FSTL5: variants seen among roughly 807,000 people sequenced by gnomAD.
The protein encoded by FSTL5 is follistatin-related protein 5.
In FSTL5, 62 loss-of-function variants were observed where a neutral mutation model predicts 89.1. That is an observed-to-expected ratio of 0.70 (90% CI 0.57 to 0.86). FSTL5 has a LOEUF of 0.86. Ranked by LOEUF, FSTL5 falls within the 40% of genes least tolerant of loss-of-function variation. The pLI is 0.00. For missense variants in FSTL5, 1,057 were observed against 1,001.6 expected (o/e 1.06, Z -0.75); for synonymous variants, 383 against 346.2 (o/e 1.11, Z -1.18).
chr4:162,052,315 CT>C (rs1457511762), intron 2 of FSTL5, among the ~76,000 whole-genome samples: 2 of 151,356 alleles, frequency 1.3e-5, no homozygotes, highest in Non-Finnish European at 3.0e-5. Flanking sequence ...AAAAAAAAGC[CT>C]TAAGTGGCTA....
At chr4:161,662,322 G>A (rs1371407870) in intron 6 of FSTL5, among the ~76,000 whole-genome samples, 4 of 152,130 alleles carry the variant, frequency 2.6e-5, no homozygotes, top group Non-Finnish European at 4.4e-5. Context: ...ACAGCATGAT[G>A]AGAAGGAGCA....
chr4:161,950,738 T>G (rs1734870024), intron 3 of FSTL5, among the ~76,000 whole-genome samples: 1 of 152,086 alleles, frequency 6.6e-6, no homozygotes, highest in Non-Finnish European at 1.5e-5. Context: ...TCAAGGAAGC[T>G]CTCTTTATCC....
chr4:161,417,440 G>A (rs1731828670), intron 15 of FSTL5, among the ~76,000 whole-genome samples: 2 of 152,152 alleles, frequency 1.3e-5, no homozygotes, highest in South Asian at 4.1e-4. Context: ...AATTTATAGA[G>A]TTGCTATTTT....
chr4:161,655,038 T>C (rs1237547395), intron 7 of FSTL5, among the ~76,000 whole-genome samples: 4 of 152,154 alleles, frequency 2.6e-5, no homozygotes, highest in African/African-American at 9.7e-5. Context: ...ACATGTTCTT[T>C]CATGCTAGGA....
At chr4:161,941,556 A>G (rs1350150175) in intron 3 of FSTL5, among the ~76,000 whole-genome samples, 1 of 151,908 alleles carries the variant, frequency 6.6e-6, no homozygotes, top group African/African-American at 2.4e-5. Context: ...GACAAATAAG[A>G]ACATTATATA....
intron 1 of FSTL5, among the ~76,000 whole-genome samples, chr4:162,154,146 C>T (rs12511655): frequency 0.23 from 35,340 of 151,752 alleles, 4,311 homozygotes; most frequent in Non-Finnish European, 0.26. Context: ...TAAAGTATTG[C>T]TTATAAAAGA....
At chr4:161,893,657 T>C (rs989271632) in intron 4 of FSTL5, among the ~76,000 whole-genome samples, 13 of 152,210 alleles carry the variant, frequency 8.5e-5, no homozygotes, top group African/African-American at 2.7e-4. Context: ...TTTTTGAACA[T>C]TGGATATTTA....
chr4:161,450,316 G>A (rs749011621), intron 15 of FSTL5, among the ~76,000 whole-genome samples: 1 of 152,146 alleles, frequency 6.6e-6, no homozygotes, highest in Admixed American at 6.5e-5. Context: ...AAGCTGCAAT[G>A]TTCACACATA....
chr4:161,510,458 A>T, intron 10 of FSTL5, 34 bp from the exon 11 acceptor site: 1 of 1,337,886 alleles, frequency 7.5e-7, no homozygotes, highest in Non-Finnish European at 1.0e-6. Context: ...AAGAAAAAGA[A>T]AAATGAGTAA....
chr4:161,538,427 A>C, intron 9 of FSTL5, 127 bp from the exon 10 acceptor site: 1 of 1,003,226 alleles, frequency 1.0e-6, no homozygotes, highest in Non-Finnish European at 1.5e-6. Flanking sequence ...CTACTTCCAT[A>C]CTTTGAAGGC....
At chr4:161,725,213 AT>A (rs1475839357) in intron 6 of FSTL5, among the ~76,000 whole-genome samples, 2 of 152,110 alleles carry the variant, frequency 1.3e-5, no homozygotes, top group Admixed American at 6.6e-5. Context: ...AACTCTGAAA[AT>A]TTACTTAAGT....
At chr4:161,618,787 G>A (rs562022517) in intron 7 of FSTL5, among the ~76,000 whole-genome samples, 77 of 152,140 alleles carry the variant, frequency 5.1e-4, no homozygotes, top group African/African-American at 1.7e-3. Flanking sequence ...AAAATTCAAT[G>A]CCATCCCCAT....
chr4:161,526,218 T>C (rs1221355375), intron 10 of FSTL5, among the ~76,000 whole-genome samples: 1 of 152,186 alleles, frequency 6.6e-6, no homozygotes, highest in East Asian at 1.9e-4. Flanking sequence ...ATGTATATTA[T>C]ACACACACAG....
intron 4 of FSTL5, among the ~76,000 whole-genome samples, chr4:161,881,479 C>A (rs1346512865): frequency 6.6e-6 from 1 of 151,934 alleles, no homozygotes; most frequent in Non-Finnish European, 1.5e-5. Flanking sequence ...AATAGGCATA[C>A]AAACAACTAT....
At chr4:161,658,239 G>A (rs538033896) in intron 6 of FSTL5, among the ~76,000 whole-genome samples, 1 of 152,000 alleles carries the variant, frequency 6.6e-6, no homozygotes, top group African/African-American at 2.4e-5. Context: ...AGAGGCAGGC[G>A]GATCACTTGA....
intron 6 of FSTL5, among the ~76,000 whole-genome samples, chr4:161,686,759 CTCTA>C (rs1737761155): frequency 6.6e-6 from 1 of 152,004 alleles, no homozygotes; most frequent in Admixed American, 6.6e-5. Context: ...TCATTTCCAT[CTCTA>C]TCAGATTTTG....
At chr4:161,638,779 A>C (rs1286132181) in intron 7 of FSTL5, among the ~76,000 whole-genome samples, 1 of 133,974 alleles carries the variant, frequency 7.5e-6, no homozygotes, top group African/African-American at 2.9e-5. Flanking sequence ...ATCCAGCAGC[A>C]CATCAAAAAG....
chr4:161,411,528 TCAA>T, intron 15 of FSTL5, among the ~76,000 whole-genome samples: 1 of 152,172 alleles, frequency 6.6e-6, no homozygotes, highest in East Asian at 1.9e-4. Flanking sequence ...CAGGGCTAAT[TCAA>T]CATATGCAGA....
intron 3 of FSTL5, among the ~76,000 whole-genome samples, chr4:161,986,549 C>T (rs1234617863): frequency 1.3e-5 from 2 of 152,000 alleles, no homozygotes; most frequent in African/African-American, 4.8e-5. Context: ...AAAACTCTGT[C>T]TCAAAAAATA....
Sources: gnomAD v4.1 joint callset for allele counts (sites outside exome capture counted in the v4.1 genomes callset) on GRCh38, gnomAD v4.1.1 for gene constraint, MANE v1.5 for transcripts, NCBI Gene and HGNC (gene_info 2026-07-23, HGNC 2026-07-21) for gene names.